CADM1: variants seen among roughly 807,000 people sequenced by gnomAD.
CADM1 encodes the protein cell adhesion molecule 1.
CADM1 carries 15 observed loss-of-function variants against 53.1 expected under a neutral mutation model. That is an observed-to-expected ratio of 0.28 (90% CI 0.19 to 0.44). The LOEUF is 0.44. Among genes scored for constraint, CADM1 ranks in the 20% least tolerant of loss-of-function variants. The probability of loss-of-function intolerance (pLI) is 1.00; values close to 1 mark genes in which losing one functional copy is unlikely to be tolerated. For synonymous variants in CADM1, 281 were observed against 243.0 expected (o/e 1.16, Z -1.45); for missense variants, 434 against 611.3 (o/e 0.71, Z 3.06).
intron 1 of CADM1, among the ~76,000 whole-genome samples, chr11:115,411,470 A>C (rs1403504478): frequency 6.6e-6 from 1 of 152,170 alleles, no homozygotes; most frequent in Non-Finnish European, 1.5e-5. Context: ...TTTTAAACTT[A>C]ATAAAAACTG....
intron 1 of CADM1, among the ~76,000 whole-genome samples, chr11:115,285,999 C>G (rs538470201): frequency 6.6e-6 from 1 of 152,180 alleles, no homozygotes; most frequent in East Asian, 1.9e-4. Context: ...AATAATTTAG[C>G]AGAAAGCACC....
At chr11:115,407,507 A>C (rs957760581) in intron 1 of CADM1, among the ~76,000 whole-genome samples, 10 of 152,166 alleles carry the variant, frequency 6.6e-5, no homozygotes, top group African/African-American at 1.2e-4. Context: ...TGCACCCAAC[A>C]ATCTGATATT....
At chr11:115,210,956 G>C (rs760741391) in intron 7 of CADM1, among the ~76,000 whole-genome samples, 8 of 152,100 alleles carry the variant, frequency 5.3e-5, no homozygotes, top group Non-Finnish European at 1.2e-4. Context: ...TTCAATGGGA[G>C]GCTCCGTTCC....
At chr11:115,241,254 C>T (rs546054241) in intron 1 of CADM1, among the ~76,000 whole-genome samples, 13 of 152,160 alleles carry the variant, frequency 8.5e-5, no homozygotes, top group Non-Finnish European at 1.8e-4. Flanking sequence ...AATGATCCAC[C>T]GTACAGGTAG....
chr11:115,176,012 G>GT lies in CADM1; in HGVS notation c.*461dup. On this transcript the variant is annotated 3_prime_UTR_variant, in exon 12 of 12. Transcript: ENST00000331581. ...GCAGTTACCATAAAAATAAACAAAA[G>GT]TAAAAAACTAGAACAGAAAAGGGAA... is the stretch of plus-strand genomic sequence containing the variant. 1 of 1,043,016 alleles carries GT rather than the reference G, an allele frequency of 9.6e-7. No homozygotes were observed. Among genetic ancestry groups the GT allele is most frequent in the Non-Finnish European group, 1.2e-6 (1 of 865,446 alleles). 64.6% of individuals were successfully genotyped at this position (1,043,016 alleles called of 1,614,324 possible).
intron 1 of CADM1, chr11:115,287,325 G>C (rs1943755793): frequency 6.6e-6 from 1 of 152,262 alleles, no homozygotes; most frequent in African/African-American, 2.4e-5. Flanking sequence ...TGAAAGGTAT[G>C]ATGGACGGAA....
intron 1 of CADM1, among the ~76,000 whole-genome samples, chr11:115,342,879 C>T (rs1843776102): frequency 6.6e-6 from 1 of 152,080 alleles, no homozygotes; most frequent in Non-Finnish European, 1.5e-5. Context: ...TCAATAAGAG[C>T]TTGTCTTTTT....
chr11:115,188,509 TG>T (rs1457597127), intron 10 of CADM1, among the ~76,000 whole-genome samples: 2 of 152,138 alleles, frequency 1.3e-5, no homozygotes, highest in East Asian at 1.9e-4. Context: ...CACTGGTGCG[TG>T]GGGGAGGTCG....
intron 1 of CADM1, among the ~76,000 whole-genome samples, chr11:115,320,932 CAA>C: frequency 6.6e-6 from 1 of 152,096 alleles, no homozygotes; most frequent in East Asian, 1.9e-4. Flanking sequence ...TCCTTTGTAG[CAA>C]AGACATGAGA....
At chr11:115,425,115 T>C (rs1391763494) in intron 1 of CADM1, among the ~76,000 whole-genome samples, 1 of 152,190 alleles carries the variant, frequency 6.6e-6, no homozygotes, top group African/African-American at 2.4e-5. Flanking sequence ...GCTATTATTA[T>C]AGATGAAACG....
At chr11:115,441,598 G>C (rs1024417994) in intron 1 of CADM1, among the ~76,000 whole-genome samples, 1 of 152,162 alleles carries the variant, frequency 6.6e-6, no homozygotes, top group Non-Finnish European at 1.5e-5. Context: ...TTGTGAATAT[G>C]ATCAAACTTT....
At chr11:115,446,661 T>C (rs1383805671) in intron 1 of CADM1, among the ~76,000 whole-genome samples, 1 of 152,144 alleles carries the variant, frequency 6.6e-6, no homozygotes, top group Admixed American at 6.5e-5. Context: ...ACACTTCTTT[T>C]ACAAAAATTT....
rs1345756238 is a variant in CADM1, at chr11:115,174,304, T to C, written c.*2170A>G. On this transcript the variant is annotated 3_prime_UTR_variant, in exon 12 of 12. Transcript: ENST00000331581. ...GTTTTTGTTTTTGTTTTTCTTTTTTTCTAAAAAGAACAACTGAAAAAAAAC... is the reference window on the plus strand; with the variant it reads ...GTTTTTGTTTTTGTTTTTCTTTTTTCCTAAAAAGAACAACTGAAAAAAAAC... The C allele has an allele frequency of 1.0e-6, 1 of 985,052 alleles. No individual in the cohort carries two copies. The highest frequency in any genetic ancestry group is 1.2e-6 in the Non-Finnish European group (1 of 829,458). 61.0% of individuals were successfully genotyped at this position (985,052 alleles called of 1,614,324 possible).
intron 3 of CADM1, among the ~76,000 whole-genome samples, chr11:115,235,272 T>G (rs532165663): frequency 3.7e-4 from 57 of 152,250 alleles, no homozygotes; most frequent in African/African-American, 1.2e-3. Flanking sequence ...TCTTAAAACT[T>G]ATTTGGTCTA....
At chr11:115,298,909 A>G (rs11215474) in intron 1 of CADM1, among the ~76,000 whole-genome samples, 53,042 of 151,812 alleles carry the variant, frequency 0.35, 11,318 homozygotes, top group East Asian at 0.65. Flanking sequence ...TGAAATCTCA[A>G]TATTATAGCC....
At chr11:115,325,055 A>G (rs1007471149) in intron 1 of CADM1, among the ~76,000 whole-genome samples, 4 of 152,194 alleles carry the variant, frequency 2.6e-5, no homozygotes, top group African/African-American at 9.7e-5. Flanking sequence ...GGTTCGTTAG[A>G]GCATCTATTA....
intron 1 of CADM1, among the ~76,000 whole-genome samples, chr11:115,365,554 AAAAC>A (rs1424114133): frequency 6.6e-6 from 1 of 152,142 alleles, no homozygotes; most frequent in African/African-American, 2.4e-5. Flanking sequence ...GGCAAATAAA[AAAAC>A]AAAAATATAT....
At chr11:115,352,167 A>G (rs536429215) in intron 1 of CADM1, among the ~76,000 whole-genome samples, 64 of 152,334 alleles carry the variant, frequency 4.2e-4, no homozygotes, top group Non-Finnish European at 6.3e-4. Context: ...AATCTCTGAA[A>G]CTGTATAAAT....
At chr11:115,278,522 G>A (rs1435403593) in intron 1 of CADM1, among the ~76,000 whole-genome samples, 4 of 152,164 alleles carry the variant, frequency 2.6e-5, no homozygotes, top group Non-Finnish European at 5.9e-5. Flanking sequence ...GGTTCTGAAT[G>A]CCAGAGCCAG....
Sources: gnomAD v4.1 joint callset for allele counts (sites outside exome capture counted in the v4.1 genomes callset) on GRCh38, gnomAD v4.1.1 for gene constraint, MANE v1.5 for transcripts, NCBI Gene and HGNC (gene_info 2026-07-23, HGNC 2026-07-21) for gene names.